RIGI: variants seen among roughly 807,000 people sequenced by gnomAD.
The protein encoded by RIGI is RNA sensor RIG-I, also known as antiviral innate immune response receptor RIG-I.
chr9:32,488,721 C>G, the RIGI span: 1 of 1,589,600 alleles, frequency 6.3e-7, no homozygotes, highest in East Asian at 2.3e-5. Context: ...GTTGAAGCAA[C>G]TATTATACCT....
chr9:32,522,912 T>C, the RIGI span, among the ~76,000 whole-genome samples: 1 of 152,312 alleles, frequency 6.6e-6, no homozygotes, highest in Non-Finnish European at 1.5e-5. Context: ...CTGAAACTTA[T>C]ATTTGTTTTA....
At chr9:32,519,650 C>T in the RIGI span, among the ~76,000 whole-genome samples, 1 of 152,048 alleles carries the variant, frequency 6.6e-6, no homozygotes, top group Non-Finnish European at 1.5e-5. Flanking sequence ...TTTAATGAGG[C>T]AAAACTGCTA....
chr9:32,506,647 G>A, the RIGI span, among the ~76,000 whole-genome samples: 1 of 152,058 alleles, frequency 6.6e-6, no homozygotes, highest in African/African-American at 2.4e-5. Flanking sequence ...TGTTTTTCCA[G>A]TATAATCTCA....
At chr9:32,485,000 G>T in the RIGI span, among the ~76,000 whole-genome samples, 4 of 152,068 alleles carry the variant, frequency 2.6e-5, no homozygotes, top group Non-Finnish European at 5.9e-5. Flanking sequence ...AAAAAAGGAA[G>T]AAAGAAAGAA....
chr9:32,493,338 T>C, the RIGI span, among the ~76,000 whole-genome samples: 1 of 152,132 alleles, frequency 6.6e-6, no homozygotes, highest in Non-Finnish European at 1.5e-5. Context: ...TTAAAAGTAC[T>C]ATTCTGGCTG....
the RIGI span, chr9:32,485,237 T>C: frequency 1.2e-6 from 2 of 1,606,806 alleles, no homozygotes; most frequent in Non-Finnish European, 1.7e-6. Context: ...AGCTATGATG[T>C]ATTTAAATTT....
At chr9:32,483,933 T>G in the RIGI span, among the ~76,000 whole-genome samples, 1 of 152,146 alleles carries the variant, frequency 6.6e-6, no homozygotes, top group Non-Finnish European at 1.5e-5. Context: ...TTCTCTAATT[T>G]TGGTCTTACC....
At chr9:32,523,409 C>G in the RIGI span, among the ~76,000 whole-genome samples, 1 of 152,108 alleles carries the variant, frequency 6.6e-6, no homozygotes, top group African/African-American at 2.4e-5. Context: ...CATACAAACC[C>G]AGCATACCTA....
the RIGI span, among the ~76,000 whole-genome samples, chr9:32,460,092 C>T: frequency 3.3e-5 from 5 of 152,184 alleles, no homozygotes; most frequent in African/African-American, 7.2e-5. Context: ...GATTGTGTCT[C>T]ACAAGACCTG....
chr9:32,489,547 A>G, the RIGI span: 1 of 604,834 alleles, frequency 1.7e-6, no homozygotes, highest in Non-Finnish European at 2.8e-6. Context: ...TGACTCCAGC[A>G]AGAAGATCCT....
the RIGI span, among the ~76,000 whole-genome samples, chr9:32,458,759 G>C: frequency 6.6e-6 from 1 of 152,026 alleles, no homozygotes; most frequent in Admixed American, 6.5e-5. Flanking sequence ...CAGCACATTT[G>C]TCAAAACCAA....
At chr9:32,459,516 T>C in the RIGI span, 1 of 1,600,292 alleles carries the variant, frequency 6.2e-7, no homozygotes, top group Non-Finnish European at 8.5e-7. Context: ...ATGCAGAATC[T>C]AATGCAAAAA....
At chr9:32,463,585 A>T in the RIGI span, among the ~76,000 whole-genome samples, 1 of 152,202 alleles carries the variant, frequency 6.6e-6, no homozygotes, top group African/African-American at 2.4e-5. Context: ...CAATAGGTAT[A>T]AATCCTAATA....
the RIGI span, among the ~76,000 whole-genome samples, chr9:32,516,519 G>A: frequency 6.6e-6 from 1 of 152,128 alleles, no homozygotes; most frequent in East Asian, 1.9e-4. Context: ...GGTCTCTCTG[G>A]CCCTGCTGCT....
the RIGI span, among the ~76,000 whole-genome samples, chr9:32,461,250 A>T: frequency 2.0e-5 from 3 of 152,368 alleles, no homozygotes; most frequent in Admixed American, 6.5e-5. Context: ...TCTTAGATGA[A>T]GGAACACTGA....
At chr9:32,494,202 A>C in the RIGI span, among the ~76,000 whole-genome samples, 2 of 152,194 alleles carry the variant, frequency 1.3e-5, no homozygotes, top group Non-Finnish European at 2.9e-5. Context: ...TTTTGATCTT[A>C]GTATAAAATC....
At chr9:32,506,079 G>A in the RIGI span, among the ~76,000 whole-genome samples, 3,029 of 152,186 alleles carry the variant, frequency 0.02, 112 homozygotes, top group African/African-American at 0.068. Context: ...TTAGCCAGGC[G>A]TGGTGGCTTG....
chr9:32,475,108 C>T, the RIGI span, among the ~76,000 whole-genome samples: 6 of 152,092 alleles, frequency 3.9e-5, no homozygotes, highest in Admixed American at 2.6e-4. Flanking sequence ...CAAGCCACCA[C>T]GCTAGGCTAA....
chr9:32,467,483 T>C, the RIGI span, among the ~76,000 whole-genome samples: 4 of 152,204 alleles, frequency 2.6e-5, no homozygotes, highest in Admixed American at 6.5e-5. Context: ...AAGGTTTACA[T>C]GTTGACTGGC....
Sources: gnomAD v4.1 joint callset for allele counts (sites outside exome capture counted in the v4.1 genomes callset) on GRCh38, gnomAD v4.1.1 for gene constraint, MANE v1.5 for transcripts, NCBI Gene and HGNC (gene_info 2026-07-23, HGNC 2026-07-21) for gene names.